The following RFX2 variants were observed in gnomAD, a reference collection of about 807,000 sequenced individuals.
RFX2 encodes DNA-binding protein RFX2.
Under a neutral mutation model 87.8 loss-of-function variants are expected in RFX2, and 20 were observed. That is an observed-to-expected ratio of 0.23 (90% confidence interval 0.16 to 0.33). The LOEUF (loss-of-function observed/expected upper bound fraction) is 0.33. RFX2 is among the 10% of genes least tolerant of loss of function. The pLI is 1.00. For synonymous variants in RFX2, 397 were observed against 431.3 expected (o/e 0.92, Z 0.98); for missense variants, 767 against 1,012.3 (o/e 0.76, Z 3.29).
In RFX2 at chr19:6,044,335, G is replaced by A; in HGVS notation, c.91-53C>T. 9.0e-7 allele frequency: 1 copy of A among 1,106,874 alleles called. No individual in the cohort carries two copies. The highest frequency in any genetic ancestry group is 1.2e-6 in the Non-Finnish European group (1 of 803,808). The allele number at this position is 1,106,874 out of a possible 1,614,324, so 68.6% of individuals were successfully genotyped here. ...TAGACTTGTCAGAGGTCAGTGCTGA[G>A]GATACACACAGAATGTAAGATGCTG... On this transcript the variant is annotated intron_variant, in intron 2 of 17. Coordinates refer to ENST00000303657, the MANE Select transcript of RFX2 (RefSeq NM_000635.4). The surrounding 1 kb of genome is among the most constrained non-coding windows in gnomAD (Gnocchi z 5.3).
chr19:6,054,794 T>C (rs758587043), intron 1 of RFX2, among the ~76,000 whole-genome samples: 2 of 152,168 alleles, frequency 1.3e-5, no homozygotes, highest in African/African-American at 2.4e-5. Flanking sequence ...AGAGAGAACA[T>C]AGGAGGTTAG....
In RFX2 at chr19:6,063,496, A is replaced by G. The variant is rs2087468846; in HGVS notation, c.-8-15992T>C. Among the ~76,000 whole-genome samples, 1 of 152,190 alleles carries G rather than the reference A, an allele frequency of 6.6e-6. No individual in the cohort carries two copies. Among genetic ancestry groups the G allele is most frequent in the Admixed American group, 6.5e-5 (1 of 15,282 alleles). ...GCACCTGCCAGGGTGGGGATGGACAAGACCCCTCCAGCAGGGCCAGGCAGG... is the reference window on the plus strand; with the variant it reads ...GCACCTGCCAGGGTGGGGATGGACAGGACCCCTCCAGCAGGGCCAGGCAGG... On this transcript the variant is annotated intron_variant, in intron 1 of 17. Transcript: ENST00000303657. This position sits in a 1 kb window ranked among gnomAD's most constrained non-coding sequence, Gnocchi z 4.0.
rs1382791269 is a variant in RFX2 at position 6,017,764 on chromosome 19, C to G, written c.598-1493G>C. Among the ~76,000 whole-genome samples the G allele has an allele frequency of 6.6e-6, 1 of 152,106 alleles. No homozygotes were observed. Among genetic ancestry groups the G allele is most frequent in the Non-Finnish European group, 1.5e-5 (1 of 68,018 alleles). ...CCACCGGGCATGTTGGGCTCCTGCA[C>G]AGCCCTTGGCCTGGGAAGCCCTTGT... On this transcript the variant is annotated intron_variant, in intron 6 of 17. Coordinates refer to ENST00000303657, the MANE Select transcript of RFX2 (RefSeq NM_000635.4). This position sits in a 1 kb window ranked among gnomAD's most constrained non-coding sequence, Gnocchi z 4.1.
intron 13 of RFX2, among the ~76,000 whole-genome samples, chr19:6,003,778 CAAAAAAAAAAAAA>C (rs57470328): frequency 7.1e-5 from 3 of 41,970 alleles, no homozygotes; most frequent in Non-Finnish European, 1.5e-4. Flanking sequence ...GACTCTGTCT[CAAAAAAAAAAAAA>C]AAAAAAAAAA....
rs532824035 is a variant in RFX2 at position 6,002,250 on chromosome 19, A to G, written c.1651-227T>C. ...GGGACTCATACCCAGGTCTTTCTGG[A>G]TCAAAGCTCATGCTATATGAGGTCT... On this transcript the variant is annotated intron_variant, in intron 14 of 17. Transcript: ENST00000303657. The surrounding 1 kb of genome is among the most constrained non-coding windows in gnomAD (Gnocchi z 6.7). Among the ~76,000 whole-genome samples, 15 of 152,376 alleles carry G rather than the reference A, an allele frequency of 9.8e-5. No individual in the cohort carries two copies. The South Asian group carries it at 3.1e-3, about 32-fold the overall frequency.
rs368126456 is a variant in RFX2 at position 6,013,121 on chromosome 19, C to G, written c.780-16G>C. 4 of 1,579,524 alleles carry G rather than the reference C, an allele frequency of 2.5e-6. No individual in the cohort carries two copies. The highest frequency in any genetic ancestry group is 1.4e-5 in the African/African-American group (1 of 72,982). On this transcript the variant is annotated splice_polypyrimidine_tract_variant and intron_variant, in intron 7 of 17. Coordinates refer to ENST00000303657, the MANE Select transcript of RFX2 (RefSeq NM_000635.4). The surrounding 1 kb of genome is among the most constrained non-coding windows in gnomAD (Gnocchi z 4.1). ...CGAGTTGCCCCTGGAAACCAAACAT[C>G]CCAGGGTCAGCTCCCTTTGCAGATG... is the stretch of plus-strand genomic sequence containing the variant.
chr19:6,040,981 G>A lies in RFX2; in HGVS notation c.261-740C>T, dbSNP rs604710. Among the ~76,000 whole-genome samples, 11,124 of 152,182 alleles carry A rather than the reference G, an allele frequency of 0.073. 1,321 individuals carry two copies. The highest frequency in any genetic ancestry group is 0.26 in the African/African-American group (10,589 of 41,466). On this transcript the variant is annotated intron_variant, in intron 4 of 17. Transcript: ENST00000303657. This position sits in a 1 kb window ranked among gnomAD's most constrained non-coding sequence, Gnocchi z 6.1. ...ATGTACTCCACATGCAAGCACACAC[G>A]CAAAAGCACGTGCATACAGACTGGT...
chr19:6,002,926 C>T lies in RFX2; in HGVS notation c.1501-56G>A, dbSNP rs759122937. The T allele has an allele frequency of 2.4e-4, 378 of 1,551,052 alleles. No individual in the cohort carries two copies. The highest frequency in any genetic ancestry group is 2.7e-4 in the Non-Finnish European group (317 of 1,152,860). On this transcript the variant is annotated intron_variant, in intron 13 of 17. Coordinates refer to ENST00000303657, the MANE Select transcript of RFX2 (RefSeq NM_000635.4). The surrounding 1 kb of genome is among the most constrained non-coding windows in gnomAD (Gnocchi z 6.7). Reference sequence around the variant, plus strand: ...TTCGCAGGGAGAGCCTGTTCCGCTGCGCTCCTTGCAGGGGTGTGTGGGCTC... The same window carrying T: ...TTCGCAGGGAGAGCCTGTTCCGCTGTGCTCCTTGCAGGGGTGTGTGGGCTC...
At chr19:6,043,254 G>A (rs2087136826) in intron 3 of RFX2, among the ~76,000 whole-genome samples, 1 of 152,234 alleles carries the variant, frequency 6.6e-6, no homozygotes, top group Non-Finnish European at 1.5e-5. Flanking sequence ...TTGACAGACA[G>A]CAGCTAAGAC....
In RFX2 at chr19:6,039,005, A is replaced by C. The variant is rs550090126; in HGVS notation, c.522+975T>G. On this transcript the variant is annotated intron_variant, in intron 5 of 17. Coordinates refer to ENST00000303657, the MANE Select transcript of RFX2 (RefSeq NM_000635.4). This position sits in a 1 kb window ranked among gnomAD's most constrained non-coding sequence, Gnocchi z 5.2. ...AAAGAAAGAAAACATATGTCCTTAC[A>C]AAAGCCTGCATGTGAAACTTAGAGC... is the stretch of plus-strand genomic sequence containing the variant. Among the ~76,000 whole-genome samples the C allele has an allele frequency of 5.1e-4, 77 of 152,362 alleles. No homozygotes were observed. Among genetic ancestry groups the C allele is most frequent in the Non-Finnish European group, 9.1e-4 (62 of 68,032 alleles).
chr19:6,007,070 G>A lies in RFX2; in HGVS notation c.1344C>T (p.His448=), dbSNP rs1370886739. 1 of 1,614,174 alleles carries A rather than the reference G, an allele frequency of 6.2e-7. No individual in the cohort carries two copies. The highest frequency in any genetic ancestry group is 1.1e-5 in the South Asian group (1 of 91,082). Residue 448 remains histidine (H), a synonymous_variant, in exon 12 of 18, where the codon CAC becomes CAT. Transcript: ENST00000303657. The surrounding 1 kb of genome is among the most constrained non-coding windows in gnomAD (Gnocchi z 8.2). ...PILRWMRSCD[H]ILYQALVEIL... Reference sequence around the variant, plus strand: ...TCTCCACCAGCGCCTGGTAGAGGATGTGGTCGCAGCTCCTCATCCACCTGA... The same window carrying A: ...TCTCCACCAGCGCCTGGTAGAGGATATGGTCGCAGCTCCTCATCCACCTGA...
rs1169568196 is a variant in RFX2, at chr19:6,050,482, A to G, written c.-8-2978T>C. 6.6e-6 allele frequency among the ~76,000 whole-genome samples: 1 copy of G among 152,240 alleles called. No individual in the cohort carries two copies. On this transcript the variant is annotated intron_variant, in intron 1 of 17. Transcript: ENST00000303657. The surrounding 1 kb of genome is among the most constrained non-coding windows in gnomAD (Gnocchi z 4.6). ...CTTAAAGGAAGTTATATACATAATG[A>G]ATGAACATATGGGAATCTCAATCAA...
Position 6,098,862 on chromosome 19 carries a change from T to C in RFX2, c.-9+11531A>G, listed in dbSNP as rs1313269447. 2.0e-5 allele frequency among the ~76,000 whole-genome samples: 3 copies of C among 151,106 alleles called. No homozygotes were observed. In the East Asian group the frequency reaches 5.8e-4, roughly 29 times the overall value. On this transcript the variant is annotated intron_variant, in intron 1 of 17. Coordinates refer to ENST00000303657, the MANE Select transcript of RFX2 (RefSeq NM_000635.4). ...AAATTTTATGTAACTCTGTTAATTC[T>C]CTGTAACTGCTTCCTCTGCCACTGC...
At chr19:6,048,693 G>A (rs2087229580) in intron 1 of RFX2, among the ~76,000 whole-genome samples, 1 of 152,010 alleles carries the variant, frequency 6.6e-6, no homozygotes, top group African/African-American at 2.4e-5. Context: ...CACCCCCAGA[G>A]GTTTTATCTC....
intron 1 of RFX2, among the ~76,000 whole-genome samples, chr19:6,060,731 G>C (rs2087417560): frequency 6.6e-6 from 1 of 151,854 alleles, no homozygotes; most frequent in Non-Finnish European, 1.5e-5. Flanking sequence ...GTCCTCCCTC[G>C]TGTCTGGGTG....
At position 6,013,752 on chromosome 19, in the gene RFX2, T is replaced by C. The variant is rs183435917; in HGVS notation, c.780-647A>G. Among the ~76,000 whole-genome samples the C allele has an allele frequency of 1.3e-5, 2 of 152,308 alleles. No homozygotes were observed. Among genetic ancestry groups the C allele is most frequent in the East Asian group, 1.9e-4 (1 of 5,184 alleles). ...GTGCCACCACACTCGGATCTTGACC[T>C]TTCACTTTGGCCTCTCTGGTTCAGC... On this transcript the variant is annotated intron_variant, in intron 7 of 17. Transcript: ENST00000303657. The surrounding 1 kb of genome is among the most constrained non-coding windows in gnomAD (Gnocchi z 4.1).
intron 1 of RFX2, among the ~76,000 whole-genome samples, chr19:6,108,305 T>G (rs2088252155): frequency 6.6e-6 from 1 of 152,192 alleles, no homozygotes; most frequent in South Asian, 2.1e-4. Flanking sequence ...TCTAAGGTTA[T>G]TTTAGAGTCA....
At chr19:6,106,750 C>T (rs1246942703) in intron 1 of RFX2, among the ~76,000 whole-genome samples, 1 of 150,770 alleles carries the variant, frequency 6.6e-6, no homozygotes, top group Non-Finnish European at 1.5e-5. Flanking sequence ...TGGGGGTATA[C>T]TGTTTAAATG....
rs942102524 is a variant in RFX2, at chr19:6,056,088, G to A, written c.-8-8584C>T. Among the ~76,000 whole-genome samples, 77 of 152,126 alleles carry A rather than the reference G, an allele frequency of 5.1e-4. No individual in the cohort carries two copies. Among genetic ancestry groups the A allele is most frequent in the Admixed American group, 4.9e-3 (75 of 15,278 alleles). On this transcript the variant is annotated intron_variant, in intron 1 of 17. Coordinates refer to ENST00000303657, the MANE Select transcript of RFX2 (RefSeq NM_000635.4). The surrounding 1 kb of genome is among the most constrained non-coding windows in gnomAD (Gnocchi z 4.6). ...GAGGGGACACTCCAGTGAGATGGAC[G>A]CATTCTGTATGATAATACAGTGTGC...
Sources: allele counts gnomAD v4.1 joint callset (sites outside exome capture counted in the v4.1 genomes callset), GRCh38; gene constraint gnomAD v4.1.1; non-coding constraint Gnocchi (gnomAD v3.1); transcripts MANE v1.5; gene names NCBI Gene and HGNC (gene_info 2026-07-23, HGNC 2026-07-21).